SIPA1L2: variants seen among roughly 807,000 people sequenced by gnomAD.
SIPA1L2 encodes the protein signal induced proliferation associated 1 like 2, also known as signal-induced proliferation-associated 1-like protein 2.
Under a neutral mutation model 163.9 loss-of-function variants are expected in SIPA1L2, and 56 were observed. The ratio of observed to expected loss-of-function variants is 0.34; its 90% CI spans 0.28 to 0.43. The LOEUF is 0.43. Ranked by LOEUF, SIPA1L2 falls within the 20% of genes least tolerant of loss-of-function variation. SIPA1L2 has a pLI of 1.00. For synonymous variants in SIPA1L2, 877 were observed against 865.7 expected, an observed-to-expected ratio of 1.01 and a Z score of -0.23; for missense variants, 1,974 against 2,193.5, an observed-to-expected ratio of 0.90 and a Z score of 2.00.
In SIPA1L2 at chr1:232,540,514, A is replaced by G. The variant is rs970785588; in HGVS notation, c.-269-24906T>C. ...CCTCTGAATGAGGGAAGGAATTCAC[A>G]GTCTTCACAGTCAGAGGGCACTCAA... On this transcript the variant is annotated intron_variant, in intron 2 of 22. Transcript: ENST00000674635. 4.6e-5 allele frequency among the ~76,000 whole-genome samples: 7 copies of G among 152,174 alleles called. No individual in the cohort carries two copies. The East Asian group carries it at 1.3e-3, about 29-fold the overall frequency.
In SIPA1L2 at chr1:232,515,495, T is replaced by C; in HGVS notation, c.-156A>G. 1.4e-6 allele frequency: 1 copy of C among 737,534 alleles called. No individual in the cohort carries two copies. The highest frequency in any genetic ancestry group is 2.8e-5 in the East Asian group (1 of 35,582). 45.7% of individuals were successfully genotyped at this position (737,534 alleles called of 1,614,324 possible). ...CCCAAAGCAAACAACATCCTCAGAA[T>C]ACAGTTTCTTCAAAGCCAACTTGCT... On this transcript the variant is annotated 5_prime_UTR_variant, in exon 3 of 23. Transcript: ENST00000674635.
At chr1:232,572,516 C>T (rs1659788106) in intron 2 of SIPA1L2, among the ~76,000 whole-genome samples, 1 of 151,808 alleles carries the variant, frequency 6.6e-6, no homozygotes, top group Non-Finnish European at 1.5e-5. Flanking sequence ...TCCTCCATTC[C>T]ACCTCTTTTC....
intron 2 of SIPA1L2, among the ~76,000 whole-genome samples, chr1:232,518,717 C>T (rs1235689695): frequency 6.6e-6 from 1 of 152,142 alleles, no homozygotes; most frequent in Non-Finnish European, 1.5e-5. Flanking sequence ...TTCCCAAACA[C>T]CCATTTCCAT....
chr1:232,509,515 A>G (rs1165046102), intron 3 of SIPA1L2, among the ~76,000 whole-genome samples: 1 of 152,196 alleles, frequency 6.6e-6, no homozygotes, highest in Non-Finnish European at 1.5e-5. Flanking sequence ...AGCTATCTCA[A>G]AAACATCGTT....
chr1:232,567,517 T>C (rs986985383), intron 2 of SIPA1L2, among the ~76,000 whole-genome samples: 2 of 152,050 alleles, frequency 1.3e-5, no homozygotes, highest in African/African-American at 4.8e-5. Flanking sequence ...GGAAAATAAA[T>C]AAATTTCTAA....
At chr1:232,616,474 T>C (rs1179383715) in intron 1 of SIPA1L2, among the ~76,000 whole-genome samples, 1 of 152,210 alleles carries the variant, frequency 6.6e-6, no homozygotes, top group Non-Finnish European at 1.5e-5. Context: ...CTTTAGGTGA[T>C]GCACACCTGG....
intron 1 of SIPA1L2, among the ~76,000 whole-genome samples, chr1:232,587,223 A>AG (rs1380887834): frequency 1.3e-5 from 2 of 152,240 alleles, no homozygotes; most frequent in African/African-American, 4.8e-5. Flanking sequence ...CACCAGGTAC[A>AG]GATTTAGATG....
chr1:232,461,232 C>T (rs998943918), intron 9 of SIPA1L2, 71 bp from the exon 10 acceptor site: 8 of 1,558,488 alleles, frequency 5.1e-6, no homozygotes, highest in East Asian at 2.2e-5. Context: ...CAAAGGTGCA[C>T]GTATGGGCCT....
At chr1:232,495,457 C>T (rs1227863642) in intron 3 of SIPA1L2, among the ~76,000 whole-genome samples, 5 of 150,530 alleles carry the variant, frequency 3.3e-5, no homozygotes, top group African/African-American at 4.9e-5. Context: ...CCCAGCTACT[C>T]GGGAGGCTGA....
chr1:232,452,510 C>A (rs1663644014), intron 10 of SIPA1L2, among the ~76,000 whole-genome samples: 1 of 152,206 alleles, frequency 6.6e-6, no homozygotes, highest in South Asian at 2.1e-4. Flanking sequence ...ATGGCATCCA[C>A]CCACCCAGGC....
rs574131747 is a variant in SIPA1L2, at chr1:232,563,468, G to A, written c.-270+10706C>T. 2.6e-5 allele frequency among the ~76,000 whole-genome samples: 4 copies of A among 152,122 alleles called. No homozygotes were observed. In the East Asian group the frequency reaches 5.8e-4, roughly 22 times the overall value. On this transcript the variant is annotated intron_variant, in intron 2 of 22. Coordinates refer to ENST00000674635, the MANE Select transcript of SIPA1L2 (RefSeq NM_020808.5). ...ACATTTCTATAGTATACACTGCCAC[G>A]CTTAAGAGAACTTATACCCTCCCAC...
At chr1:232,476,663 A>G (rs1312355590) in intron 7 of SIPA1L2, among the ~76,000 whole-genome samples, 1 of 152,208 alleles carries the variant, frequency 6.6e-6, no homozygotes, top group Non-Finnish European at 1.5e-5. Context: ...CTCCAAGAGC[A>G]GGGTTTCTTA....
chr1:232,399,269 T>G lies in SIPA1L2; in HGVS notation c.5027A>C (p.Lys1676Thr), dbSNP rs1186993512. 1 of 1,613,160 alleles carries G rather than the reference T, an allele frequency of 6.2e-7. No homozygotes were observed. The highest frequency in any genetic ancestry group is 8.5e-7 in the Non-Finnish European group (1 of 1,179,952). The change falls in exon 23 of 23, where the codon AAA (lysine) becomes ACA (threonine). Residue 1676 changes from lysine (K) to threonine (T), a missense_variant. Around this residue, in one of 3 missense-constraint regions of SIPA1L2, gnomAD observed 1,079 missense variants for 1,150.7 expected, o/e 0.94. Transcript: ENST00000674635. ...TGCTTGGAGAACGGCCTTGTCTTGT[T>G]TTTCCTGGTCAGAGCAGAAATAAAC... is the stretch of plus-strand genomic sequence containing the variant. ...RQLQTDLRKE[K>T]QDKAVLQAEV... is the part of the protein sequence containing the mutation.
rs1195622452 is a variant in SIPA1L2 at position 232,514,641 on chromosome 1, A to G, written c.699T>C (p.Phe233=). 5 of 1,614,198 alleles carry G rather than the reference A, an allele frequency of 3.1e-6. No homozygotes were observed. Among genetic ancestry groups the G allele is most frequent in the South Asian group, 2.2e-5 (2 of 91,084 alleles). The change falls in exon 3 of 23, where the codon TTT becomes TTC. Residue 233 remains phenylalanine (F), a synonymous_variant. Transcript: ENST00000674635. ...KAMVPFGFPE[F]FRCDPAISPS... Reference sequence around the variant, plus strand: ...GAGAGATTGCAGGGTCACAGCGGAAAAATTCAGGGAACCCAAAAGGGACCA... The same window carrying G: ...GAGAGATTGCAGGGTCACAGCGGAAGAATTCAGGGAACCCAAAAGGGACCA...
chr1:232,496,563 A>AAAC (rs1427789539), intron 3 of SIPA1L2, among the ~76,000 whole-genome samples: 2 of 144,114 alleles, frequency 1.4e-5, no homozygotes, highest in African/African-American at 5.0e-5. Context: ...AAGCAGGCAA[A>AAAC]AAAAAAAAAA....
rs147230806 is a variant in SIPA1L2, at chr1:232,434,948, T to C, written c.4032-2477A>G. 6.8e-4 allele frequency among the ~76,000 whole-genome samples: 104 copies of C among 152,300 alleles called. No homozygotes were observed. In the Middle Eastern group the frequency reaches 0.014, roughly 20 times the overall value. ...TCATGTACAGGACATCAGGCATTAA[T>C]GCAATACTGTTATCTAACAGTCCAC... On this transcript the variant is annotated intron_variant, in intron 15 of 22. Transcript: ENST00000674635.
rs772748162 is a variant in SIPA1L2, at chr1:232,443,637, C to A, written c.3402G>T (p.Gly1134=). The part of the protein sequence containing the change: ...QSSSSDPGPG[G]SGPWRPQVGY... ...CCACTTGTGGTCTCCAGGGTCCGCTCCCGCCGGGTCCAGGGTCGCTGGAGG... is the reference window on the plus strand; with the variant it reads ...CCACTTGTGGTCTCCAGGGTCCGCTACCGCCGGGTCCAGGGTCGCTGGAGG... The change falls in exon 12 of 23, where the codon GGG becomes GGT. Residue 1134 remains glycine, a synonymous_variant. Transcript: ENST00000674635. 2.5e-6 allele frequency: 4 copies of A among 1,609,718 alleles called. No homozygotes were observed. The highest frequency in any genetic ancestry group is 3.4e-6 in the Non-Finnish European group (4 of 1,178,076).
chr1:232,559,761 C>A (rs1437762021), intron 2 of SIPA1L2, among the ~76,000 whole-genome samples: 1 of 152,000 alleles, frequency 6.6e-6, no homozygotes, highest in African/African-American at 2.4e-5. Context: ...TAATAGGTTA[C>A]CTGTATAAAA....
In SIPA1L2 at chr1:232,572,769, ATATATATATATT is replaced by A. The variant is rs1261348588; in HGVS notation, c.-270+1393_-270+1404del. ...TATATATATATATATATATATATAT[ATATATATATATT>A]TATTTATTTATTTTTTCCTTGAGAC... On this transcript the variant is annotated intron_variant, in intron 2 of 22. Coordinates refer to ENST00000674635, the MANE Select transcript of SIPA1L2 (RefSeq NM_020808.5). Among the ~76,000 whole-genome samples the A allele has an allele frequency of 3.7e-3, 415 of 111,974 alleles. 6 individuals are homozygous for A. Among genetic ancestry groups the A allele is most frequent in the African/African-American group, 9.1e-3 (281 of 30,996 alleles). 73.5% of individuals were successfully genotyped at this position (111,974 alleles called of 152,430 possible).
Sources: gnomAD v4.1 joint callset for allele counts (sites outside exome capture counted in the v4.1 genomes callset) on GRCh38, gnomAD v4.1.1 for gene constraint, gnomAD v4.1.1 regional missense constraint, MANE v1.5 for transcripts, NCBI Gene and HGNC (gene_info 2026-07-23, HGNC 2026-07-21) for gene names.